ADGRV1: variants seen among roughly 807,000 people sequenced by gnomAD.
The protein encoded by ADGRV1 is G-protein coupled receptor 98.
A neutral mutation model predicts 596.2 loss-of-function variants in ADGRV1; 359 were observed. The observed-to-expected ratio is 0.60, with a 90% CI of 0.55 to 0.66. The LOEUF (loss-of-function observed/expected upper bound fraction) is 0.66, where lower values mean the gene tolerates loss of function less well. ADGRV1 is among the 30% of genes least tolerant of loss of function. ADGRV1 has a pLI of 0.00. For synonymous variants in ADGRV1, 2,681 were observed against 2,679.2 expected, an observed-to-expected ratio of 1.00 and a Z score of -0.02; for missense variants, 7,274 against 7,575.6, an observed-to-expected ratio of 0.96 and a Z score of 1.48.
rs774554929 is a variant in ADGRV1, at chr5:90,728,677, G to T, written c.10170G>T (p.Arg3390Ser). The change falls in exon 49 of 90, where the codon AGG becomes AGT. Residue 3390 changes from arginine (R) to serine (S), a missense_variant. Arg to Ser is a moderately radical substitution (Grantham distance 110). Transcript: ENST00000405460. The stretch of plus-strand genomic sequence containing the variant: ...TTCAACATTTCCTTCAGGTCTTCAG[G>T]TGGAATGGAGGAAGCTTCGTGTTGC... Reference protein sequence around the residue: ...RDDSELTQVFRWNGGSFVLHQ... With the variant: ...RDDSELTQVFSWNGGSFVLHQ... 3 of 1,607,954 alleles carry T rather than the reference G, an allele frequency of 1.9e-6. No homozygotes were observed. The highest frequency in any genetic ancestry group is 2.7e-5 in the African/African-American group (2 of 74,690).
At chr5:90,746,409 CT>C (rs1754634078) in intron 52 of ADGRV1, among the ~76,000 whole-genome samples, 1 of 152,094 alleles carries the variant, frequency 6.6e-6, no homozygotes, top group African/African-American at 2.4e-5. Context: ...TCATTTAGTC[CT>C]TTTGGTAAAG....
At chr5:91,139,010 A>T (rs1269813439) in intron 87 of ADGRV1, among the ~76,000 whole-genome samples, 1 of 152,114 alleles carries the variant, frequency 6.6e-6, no homozygotes, top group Admixed American at 6.5e-5. Flanking sequence ...ACCTCAAGTG[A>T]TCCACCCCCC....
chr5:90,751,573 A>G (rs541548061), intron 53 of ADGRV1, among the ~76,000 whole-genome samples: 20 of 151,284 alleles, frequency 1.3e-4, no homozygotes, highest in African/African-American at 4.3e-4. Flanking sequence ...AAATAAGTAC[A>G]TGATTAACAA....
At chr5:91,071,656 T>TTTTA in intron 85 of ADGRV1, among the ~76,000 whole-genome samples, 1 of 152,072 alleles carries the variant, frequency 6.6e-6, no homozygotes, top group Non-Finnish European at 1.5e-5. Context: ...ATAATCCTTA[T>TTTTA]TTTATTTATT....
intron 83 of ADGRV1, among the ~76,000 whole-genome samples, chr5:90,936,856 ATT>A (rs1775734782): frequency 6.6e-6 from 1 of 152,088 alleles, no homozygotes; most frequent in Non-Finnish European, 1.5e-5. Context: ...TTGATTTCTA[ATT>A]TAATAATATT....
In ADGRV1 at chr5:90,863,854, A is replaced by G; in HGVS notation, c.17853A>G (p.Thr5951=). ...LTHMMAASLG[T]QILFLASAYA... ...ACATGATGGCAGCCAGCTTAGGTAC[A>G]CAGGTAGGAGAGCGCTGGCATTTTT... Residue 5951 remains threonine, a synonymous_variant, in exon 83 of 90, where the codon ACA becomes ACG. Transcript: ENST00000405460. 6.2e-7 allele frequency: 1 copy of G among 1,603,688 alleles called. No individual in the cohort carries two copies. Among genetic ancestry groups the G allele is most frequent in the Non-Finnish European group, 8.5e-7 (1 of 1,170,594 alleles).
At chr5:90,916,519 A>T (rs913266003) in intron 83 of ADGRV1, among the ~76,000 whole-genome samples, 9 of 152,072 alleles carry the variant, frequency 5.9e-5, no homozygotes, top group Non-Finnish European at 1.3e-4. Flanking sequence ...TAAAGAAGCA[A>T]TGTTTTATAT....
Position 90,676,183 on chromosome 5 carries a change from T to C in ADGRV1, c.5417T>C (p.Val1806Ala). 6.2e-7 allele frequency: 1 copy of C among 1,606,378 alleles called. No homozygotes were observed. Among genetic ancestry groups the C allele is most frequent in the Non-Finnish European group, 8.5e-7 (1 of 1,176,812 alleles). Residue 1806 changes from valine to alanine, a missense_variant, in exon 25 of 90, where the codon GTT becomes GCT. This residue lies in a region of ADGRV1 where 3,643 missense variants were observed against 3,809.2 expected (regional missense o/e 0.96). Coordinates refer to ENST00000405460, the MANE Select transcript of ADGRV1 (RefSeq NM_032119.4). ...CCTGAACTGGAAAAATCTTTTAAAG[T>C]TGAGTTGTTAAACTTGGAAGGAGGA... is the stretch of plus-strand genomic sequence containing the variant. The part of the protein sequence containing the change: ...SIPELEKSFK[V>A]ELLNLEGGVA...
intron 85 of ADGRV1, among the ~76,000 whole-genome samples, chr5:91,009,740 AT>A: frequency 6.6e-6 from 1 of 152,110 alleles, no homozygotes; most frequent in Non-Finnish European, 1.5e-5. Context: ...CCAAAGTTAT[AT>A]AATATGTGTT....
At chr5:90,721,591 T>TAA (rs1561595562) in intron 45 of ADGRV1, among the ~76,000 whole-genome samples, 1 of 82,606 alleles carries the variant, frequency 1.2e-5, no homozygotes. Flanking sequence ...TAAAATAAAA[T>TAA]ATGTATTTAG....
intron 85 of ADGRV1, among the ~76,000 whole-genome samples, chr5:91,069,188 C>T (rs953267962): frequency 1.3e-5 from 2 of 152,106 alleles, no homozygotes; most frequent in Non-Finnish European, 2.9e-5. Flanking sequence ...TATAAAACTC[C>T]CCAAAGAAAA....
chr5:90,940,170 A>T (rs1776050339), intron 83 of ADGRV1, among the ~76,000 whole-genome samples: 1 of 152,254 alleles, frequency 6.6e-6, no homozygotes, highest in African/African-American at 2.4e-5. Flanking sequence ...CAGGCTAAGA[A>T]TCTACCTCCC....
rs1744665774 is a variant in ADGRV1 at position 90,679,529 on chromosome 5, C to T, written c.5444-20C>T. On this transcript the variant is annotated intron_variant, in intron 25 of 89. Transcript: ENST00000405460. Reference sequence around the variant, plus strand: ...TCAATGTGTGTTGTGTGGGTTGTGTCTCTGTGTCTCCTTGTGAAGTAGCTG... The same window carrying T: ...TCAATGTGTGTTGTGTGGGTTGTGTTTCTGTGTCTCCTTGTGAAGTAGCTG... 1 of 1,589,684 alleles carries T rather than the reference C, an allele frequency of 6.3e-7. No homozygotes were observed.
At position 90,854,201 on chromosome 5, in the gene ADGRV1, G is replaced by A. The variant is rs1766805174; in HGVS notation, c.17594G>A (p.Ser5865Asn). Residue 5865 changes from serine to asparagine, a missense_variant and splice_region_variant, in exon 81 of 90, where the codon AGC becomes AAC. Ser to Asn is a conservative substitution (Grantham distance 46). This residue lies in a region of ADGRV1 where 1,874 missense variants were observed against 1,970.2 expected (regional missense o/e 0.95). Coordinates refer to ENST00000405460, the MANE Select transcript of ADGRV1 (RefSeq NM_032119.4). ...LCLLWNQAAA[S>N]WLSDSQFCKV... is the part of the protein sequence containing the mutation. ...CTCCTTTGGAATCAGGCTGCTGCAAGGTACTTATTAATAAAATAAAAAAAT... is the reference window on the plus strand; with the variant it reads ...CTCCTTTGGAATCAGGCTGCTGCAAAGTACTTATTAATAAAATAAAAAAAT... 6.6e-7 allele frequency: 1 copy of A among 1,520,330 alleles called. No homozygotes were observed. The highest frequency in any genetic ancestry group is 8.8e-7 in the Non-Finnish European group (1 of 1,136,196). 94.2% of individuals were successfully genotyped at this position (1,520,330 alleles called of 1,614,324 possible).
intron 85 of ADGRV1, among the ~76,000 whole-genome samples, chr5:91,063,810 A>C (rs1787652493): frequency 6.6e-6 from 1 of 152,176 alleles, no homozygotes; most frequent in African/African-American, 2.4e-5. Context: ...GAAACTTGTG[A>C]AACTGCAGAT....
intron 85 of ADGRV1, among the ~76,000 whole-genome samples, chr5:91,006,021 T>G (rs1782244252): frequency 6.6e-6 from 1 of 152,180 alleles, no homozygotes; most frequent in South Asian, 2.1e-4. Flanking sequence ...TCATAGCCAC[T>G]CATGCCTGCT....
chr5:91,072,671 A>AT (rs1328789215), intron 86 of ADGRV1, 67 bp downstream of exon 86: 33 of 1,514,246 alleles, frequency 2.2e-5, no homozygotes, highest in South Asian at 7.4e-5. Context: ...ATGTCACTGA[A>AT]TTTTTTTTAT....
chr5:91,130,357 C>T (rs945180277), intron 87 of ADGRV1, among the ~76,000 whole-genome samples: 1 of 151,318 alleles, frequency 6.6e-6, no homozygotes, highest in Non-Finnish European at 1.5e-5. Flanking sequence ...CTTGGTGAAA[C>T]CCTGTCTCTA....
chr5:90,840,488 G>A, intron 77 of ADGRV1, 90 bp from the exon 78 acceptor site: 1 of 1,118,592 alleles, frequency 8.9e-7, no homozygotes, highest in Non-Finnish European at 1.2e-6. Flanking sequence ...TTGTTTAAGA[G>A]AAATTGAATT....
Sources: allele counts gnomAD v4.1 joint callset (sites outside exome capture counted in the v4.1 genomes callset), GRCh38; gene constraint gnomAD v4.1.1; regional missense constraint gnomAD v4.1.1; transcripts MANE v1.5; gene names NCBI Gene and HGNC (gene_info 2026-07-23, HGNC 2026-07-21).